TACC2: variants seen among roughly 807,000 people sequenced by gnomAD.
TACC2 encodes the protein transforming acidic coiled-coil-containing protein 2.
A neutral mutation model predicts 227.3 loss-of-function variants in TACC2; 137 were observed. The ratio of observed to expected loss-of-function variants is 0.60; its 90% CI spans 0.52 to 0.69. TACC2 has a LOEUF of 0.69. Ranked by LOEUF, TACC2 falls within the 30% of genes least tolerant of loss-of-function variation. The pLI is 0.00. For missense variants in TACC2, 3,470 were observed against 3,694.4 expected (o/e 0.94, Z 1.57); for synonymous variants, 1,523 against 1,487.5 (o/e 1.02, Z -0.55).
At position 122,168,445 on chromosome 10, in the gene TACC2, C is replaced by T. The variant is rs372366798; in HGVS notation, c.5834+24739C>T. Reference sequence around the variant, plus strand: ...CCAAAGGAAGCTTGGGTGCATTTTTCCCTGCCATTATTCCTAGATATCACC... The same window carrying T: ...CCAAAGGAAGCTTGGGTGCATTTTTTCCTGCCATTATTCCTAGATATCACC... On this transcript the variant is annotated intron_variant, in intron 7 of 22. Coordinates refer to ENST00000369005, the MANE Select transcript of TACC2 (RefSeq NM_206862.4). Among the ~76,000 whole-genome samples, 64 of 152,244 alleles carry T rather than the reference C, an allele frequency of 4.2e-4. No individual in the cohort carries two copies. The East Asian group carries it at 5.6e-3, about 13-fold the overall frequency.
chr10:122,105,073 TG>T (rs2082595957), intron 5 of TACC2, among the ~76,000 whole-genome samples: 1 of 152,246 alleles, frequency 6.6e-6, no homozygotes, highest in Non-Finnish European at 1.5e-5. Flanking sequence ...TCATGCTGTC[TG>T]GCATGCATGG....
chr10:122,126,307 A>C (rs1487453380), intron 5 of TACC2, among the ~76,000 whole-genome samples: 1 of 53,012 alleles, frequency 1.9e-5, no homozygotes, highest in Non-Finnish European at 6.3e-5. Context: ...CATGGGTTAT[A>C]ATCCAGAACT....
intron 8 of TACC2, among the ~76,000 whole-genome samples, chr10:122,202,599 A>G (rs568360649): frequency 8.1e-4 from 121 of 149,204 alleles, no homozygotes; most frequent in African/African-American, 2.4e-3. Context: ...ACATCATCCA[A>G]GAGTTTCCTG....
intron 3 of TACC2, among the ~76,000 whole-genome samples, chr10:122,080,754 C>T (rs2079379251): frequency 6.6e-6 from 1 of 152,164 alleles, no homozygotes; most frequent in Admixed American, 6.5e-5. Flanking sequence ...GTATGCATCC[C>T]TCATGTATGA....
At chr10:122,002,818 T>TGTAATTTTGTGTGTTTGTG (rs1954568954) in intron 1 of TACC2, among the ~76,000 whole-genome samples, 1 of 152,210 alleles carries the variant, frequency 6.6e-6, no homozygotes, top group African/African-American at 2.4e-5. Flanking sequence ...AATGGTTATT[T>TGTAATTTTGTGTGTTTGTG]CCCTCTTGTA....
intron 9 of TACC2, among the ~76,000 whole-genome samples, 178 bp from the exon 10 acceptor site, chr10:122,215,213 G>A (rs2095375513): frequency 6.6e-6 from 1 of 152,156 alleles, no homozygotes; most frequent in African/African-American, 2.4e-5. Context: ...AATAATAGCT[G>A]TTAAAAAGTG....
In TACC2 at chr10:122,132,715, A is replaced by T. The variant is rs2088588137; in HGVS notation, c.5680A>T (p.Thr1894Ser). ...CGGTGATGTTGTTGGCCAGGTCTCT[A>T]CGGATCTGATAGCCCAGAGGTACGG... ...YHGDVVGQVS[T>S]DLIAQSISPA... Residue 1894 changes from threonine (T) to serine (S), a missense_variant, in exon 6 of 23, where the codon ACG becomes TCG. Physicochemically the swap from Thr to Ser is moderately conservative, Grantham distance 58. Coordinates refer to ENST00000369005, the MANE Select transcript of TACC2 (RefSeq NM_206862.4). 3.7e-6 allele frequency: 6 copies of T among 1,614,052 alleles called. No homozygotes were observed. The highest frequency in any genetic ancestry group is 5.1e-6 in the Non-Finnish European group (6 of 1,179,988).
intron 2 of TACC2, among the ~76,000 whole-genome samples, chr10:122,040,967 G>T: frequency 6.6e-6 from 1 of 152,160 alleles, no homozygotes; most frequent in Non-Finnish European, 1.5e-5. Context: ...GGTCCCCCCG[G>T]GTCGGGTCCC....
chr10:122,118,098 C>T (rs2085054815), intron 5 of TACC2, among the ~76,000 whole-genome samples: 1 of 151,676 alleles, frequency 6.6e-6, no homozygotes, highest in African/African-American at 2.4e-5. Flanking sequence ...ACGGCAACCC[C>T]TGCTTCCCCG....
intron 5 of TACC2, 28 bp downstream of exon 5, chr10:122,088,619 GGCCATGAT>G: frequency 6.2e-7 from 1 of 1,603,514 alleles, no homozygotes; most frequent in Non-Finnish European, 8.5e-7. Context: ...GTCTTTGGAA[GGCCATGAT>G]GCCTTCCTTA....
In TACC2 at chr10:122,086,155, C is replaced by T; in HGVS notation, c.3655C>T (p.Pro1219Ser). ...TTCTACACACCAGGCTGTCCCAGAC[C>T]CAAAGGAGCTCCTGCTGTCTGGGCC... ...DFSTHQAVPD[P>S]KELLLSGPPE... The change falls in exon 4 of 23, where the codon CCA (proline) becomes TCA (serine). Residue 1219 changes from proline (P) to serine (S), a missense_variant. This residue lies in a region of TACC2 where 1,924 missense variants were observed against 1,978.3 expected (regional missense o/e 0.97). Transcript: ENST00000369005. The T allele has an allele frequency of 6.2e-7, 1 of 1,613,674 alleles. No homozygotes were observed. Among genetic ancestry groups the T allele is most frequent in the East Asian group, 2.2e-5 (1 of 44,876 alleles).
rs190017880 is a variant in TACC2, at chr10:122,208,134, C to T, written c.5972-2263C>T. ...AGAAGGAAGGAGTGTTTGGAGAAAC[C>T]GTTTGGTAGAAAGAGCTCCGTATTT... is the stretch of plus-strand genomic sequence containing the variant. On this transcript the variant is annotated intron_variant, in intron 8 of 22. Transcript: ENST00000369005. Among the ~76,000 whole-genome samples the T allele has an allele frequency of 4.4e-4, 67 of 152,080 alleles. 1 individual carries two copies. The highest frequency in any genetic ancestry group is 3.8e-3 in the Admixed American group (58 of 15,266).
intron 1 of TACC2, among the ~76,000 whole-genome samples, chr10:122,012,685 T>G (rs1320378370): frequency 6.6e-6 from 1 of 151,682 alleles, no homozygotes; most frequent in Non-Finnish European, 1.5e-5. Context: ...CCCTTAAGCC[T>G]GGGGGAGCAA....
At chr10:122,028,084 CTT>C (rs59135261) in intron 2 of TACC2, among the ~76,000 whole-genome samples, 3 of 91,730 alleles carry the variant, frequency 3.3e-5, no homozygotes, top group Admixed American at 1.4e-4. Flanking sequence ...TTCTTTCTTT[CTT>C]TTTTTTTTTT....
intron 18 of TACC2, among the ~76,000 whole-genome samples, chr10:122,241,473 T>G (rs556155430): frequency 6.6e-6 from 1 of 152,140 alleles, no homozygotes; most frequent in Non-Finnish European, 1.5e-5. Flanking sequence ...GTATTTTTTG[T>G]AGGGATGGTG....
chr10:122,158,343 C>T (rs1231198573), intron 7 of TACC2, among the ~76,000 whole-genome samples: 1 of 151,646 alleles, frequency 6.6e-6, no homozygotes, highest in Non-Finnish European at 1.5e-5. Flanking sequence ...GAGCTGAGAT[C>T]GTGCCACTGC....
chr10:122,076,709 TAA>T (rs113901712), intron 3 of TACC2, among the ~76,000 whole-genome samples: 2 of 143,464 alleles, frequency 1.4e-5, no homozygotes, highest in Non-Finnish European at 3.1e-5. Flanking sequence ...ACAGAAGTAT[TAA>T]AAAAAAAAAA....
chr10:122,095,504 C>T (rs2081280624), intron 5 of TACC2, among the ~76,000 whole-genome samples: 3 of 152,350 alleles, frequency 2.0e-5, no homozygotes, highest in South Asian at 2.1e-4. Flanking sequence ...ACTGCAGCAT[C>T]GTGGTTCTTT....
Position 122,058,897 on chromosome 10 carries a change from T to G in TACC2, c.146+8347T>G, listed in dbSNP as rs867840424. Among the ~76,000 whole-genome samples, 127 of 147,690 alleles carry G rather than the reference T, an allele frequency of 8.6e-4. 1 individual carries two copies. Among genetic ancestry groups the G allele is most frequent in the African/African-American group, 3.0e-3 (121 of 40,776 alleles). On this transcript the variant is annotated intron_variant, in intron 3 of 22. Transcript: ENST00000369005. Reference sequence around the variant, plus strand: ...CTGAGCCCAGCCCCCTCTGTGTGTTTTTTTTTTTTTTTGAGACACGGTTTC... The same window carrying G: ...CTGAGCCCAGCCCCCTCTGTGTGTTGTTTTTTTTTTTTGAGACACGGTTTC...
Sources: gnomAD v4.1 joint callset for allele counts (sites outside exome capture counted in the v4.1 genomes callset) on GRCh38, gnomAD v4.1.1 for gene constraint, gnomAD v4.1.1 regional missense constraint, MANE v1.5 for transcripts, NCBI Gene and HGNC (gene_info 2026-07-23, HGNC 2026-07-21) for gene names.